The following PTPRD variants were observed in gnomAD, a reference collection of about 807,000 sequenced individuals.
The protein encoded by PTPRD is protein tyrosine phosphatase receptor type D, also known as receptor-type tyrosine-protein phosphatase delta.
A neutral mutation model predicts 214.5 loss-of-function variants in PTPRD; 34 were observed. That is an observed-to-expected ratio of 0.16 (90% confidence interval 0.12 to 0.21). The LOEUF (loss-of-function observed/expected upper bound fraction) is 0.21, where lower values mean the gene tolerates loss of function less well. PTPRD is among the 10% of genes least tolerant of loss of function. PTPRD has a pLI of 1.00. For synonymous variants in PTPRD, 1,128 were observed against 845.7 expected (o/e 1.33, Z -5.79); for missense variants, 2,545 against 2,398.7 (o/e 1.06, Z -1.27).
In PTPRD at chr9:9,252,804, C is replaced by T. The variant is rs112650669; in HGVS notation, c.-202-69441G>A. On this transcript the variant is annotated intron_variant, in intron 9 of 45. Transcript: ENST00000381196. Reference sequence around the variant, plus strand: ...TCATTGCTGGGTACTCATGCTAATACGCTTCTGTTTCTTTTCTGTCTTGTT... The same window carrying T: ...TCATTGCTGGGTACTCATGCTAATATGCTTCTGTTTCTTTTCTGTCTTGTT... Among the ~76,000 whole-genome samples the T allele has an allele frequency of 1.9e-3, 284 of 152,166 alleles. 1 individual carries two copies. Among genetic ancestry groups the T allele is most frequent in the African/African-American group, 6.2e-3 (256 of 41,560 alleles).
At chr9:9,423,109 C>G (rs1425907951) in intron 8 of PTPRD, among the ~76,000 whole-genome samples, 1 of 152,154 alleles carries the variant, frequency 6.6e-6, no homozygotes, top group African/African-American at 2.4e-5. Flanking sequence ...TCTGATTCTA[C>G]TCCATCTGCC....
chr9:8,781,492 G>A (rs1004536890), intron 11 of PTPRD, among the ~76,000 whole-genome samples: 2 of 152,050 alleles, frequency 1.3e-5, no homozygotes, highest in Non-Finnish European at 2.9e-5. Context: ...GAAAACAGAA[G>A]GCAGGTTTTA....
chr9:8,953,895 G>T (rs1457394995), intron 11 of PTPRD, among the ~76,000 whole-genome samples: 1 of 152,096 alleles, frequency 6.6e-6, no homozygotes, highest in Admixed American at 6.6e-5. Flanking sequence ...ATACACTGGT[G>T]GGAATGTAAT....
At chr9:8,836,937 A>AC (rs1053996477) in intron 11 of PTPRD, among the ~76,000 whole-genome samples, 28 of 149,014 alleles carry the variant, frequency 1.9e-4, no homozygotes, top group African/African-American at 6.5e-4. Flanking sequence ...TCTCAAGCTA[A>AC]CCCCCCAATA....
intron 9 of PTPRD, among the ~76,000 whole-genome samples, chr9:9,252,506 G>T (rs2099975897): frequency 6.6e-6 from 1 of 151,954 alleles, no homozygotes; most frequent in Admixed American, 6.6e-5. Context: ...TTTTGAGACA[G>T]CTTCTTGCTC....
At chr9:9,573,730 C>A (rs1446859435) in intron 8 of PTPRD, among the ~76,000 whole-genome samples, 1 of 151,742 alleles carries the variant, frequency 6.6e-6, no homozygotes, top group African/African-American at 2.4e-5. Flanking sequence ...GCAAAGTCCT[C>A]CTGGTAGAGC....
intron 2 of PTPRD, among the ~76,000 whole-genome samples, chr9:10,562,578 T>C (rs1206703429): frequency 6.6e-6 from 1 of 152,184 alleles, no homozygotes; most frequent in Non-Finnish European, 1.5e-5. Flanking sequence ...TATATTGATA[T>C]CACATAAATA....
intron 21 of PTPRD, among the ~76,000 whole-genome samples, chr9:8,513,600 G>T (rs996291063): frequency 1.3e-5 from 2 of 151,826 alleles, no homozygotes; most frequent in Non-Finnish European, 2.9e-5. Flanking sequence ...ATTTTTATAG[G>T]GTTAGAGGAG....
intron 3 of PTPRD, among the ~76,000 whole-genome samples, chr9:10,044,165 GA>G (rs2097347987): frequency 6.6e-6 from 1 of 151,026 alleles, no homozygotes; most frequent in Non-Finnish European, 1.5e-5. Flanking sequence ...TGAATGTGTA[GA>G]ATGGATATTC....
At chr9:10,584,632 G>C (rs1296673078) in intron 2 of PTPRD, among the ~76,000 whole-genome samples, 1 of 152,012 alleles carries the variant, frequency 6.6e-6, no homozygotes, top group African/African-American at 2.4e-5. Flanking sequence ...TCCTCTCTAT[G>C]ATATCTTCCT....
chr9:8,564,696 G>A (rs2088151001), intron 14 of PTPRD, among the ~76,000 whole-genome samples: 1 of 152,020 alleles, frequency 6.6e-6, no homozygotes, highest in South Asian at 2.1e-4. Flanking sequence ...TGAAGACTCT[G>A]TCTCAAAAAA....
chr9:10,597,777 C>T (rs1007699787), intron 2 of PTPRD, among the ~76,000 whole-genome samples: 1 of 151,714 alleles, frequency 6.6e-6, no homozygotes, highest in Non-Finnish European at 1.5e-5. Context: ...TTTACTGTTG[C>T]ATTATTTACA....
intron 11 of PTPRD, among the ~76,000 whole-genome samples, chr9:8,973,688 T>G (rs1304931965): frequency 6.6e-6 from 1 of 152,116 alleles, no homozygotes. Flanking sequence ...ACCAACAGTG[T>G]ATAAGCATTC....
At chr9:9,475,559 T>C (rs1307598451) in intron 8 of PTPRD, among the ~76,000 whole-genome samples, 1 of 152,200 alleles carries the variant, frequency 6.6e-6, no homozygotes, top group Non-Finnish European at 1.5e-5. Flanking sequence ...TCATCAGGAC[T>C]CAAAACTCTC....
At chr9:10,439,038 G>A (rs916519799) in intron 2 of PTPRD, among the ~76,000 whole-genome samples, 1 of 151,710 alleles carries the variant, frequency 6.6e-6, no homozygotes, top group Non-Finnish European at 1.5e-5. Flanking sequence ...TAACAAACAT[G>A]ATACAGCAGA....
chr9:10,140,529 C>T (rs951195556), intron 3 of PTPRD, among the ~76,000 whole-genome samples: 2 of 152,054 alleles, frequency 1.3e-5, no homozygotes, highest in Admixed American at 6.6e-5. Flanking sequence ...GACACATACA[C>T]TCTCCCAAGA....
chr9:9,348,718 T>C (rs924104467), intron 9 of PTPRD, among the ~76,000 whole-genome samples: 3 of 152,128 alleles, frequency 2.0e-5, no homozygotes, highest in Non-Finnish European at 2.9e-5. Context: ...TACTCTCATA[T>C]AACTTAATCT....
At chr9:10,303,743 C>G (rs188094509) in intron 3 of PTPRD, among the ~76,000 whole-genome samples, 12 of 152,068 alleles carry the variant, frequency 7.9e-5, no homozygotes, top group Admixed American at 2.6e-4. Context: ...TAGACCAATA[C>G]AAAGTTCTGA....
At chr9:9,495,964 G>C (rs1288796243) in intron 8 of PTPRD, among the ~76,000 whole-genome samples, 1 of 152,178 alleles carries the variant, frequency 6.6e-6, no homozygotes, top group Non-Finnish European at 1.5e-5. Context: ...TGCCACCTCA[G>C]GCCCCGCATG....
Sources: gnomAD v4.1 joint callset for allele counts (sites outside exome capture counted in the v4.1 genomes callset) on GRCh38, gnomAD v4.1.1 for gene constraint, MANE v1.5 for transcripts, NCBI Gene and HGNC (gene_info 2026-07-23, HGNC 2026-07-21) for gene names.